Variants in NFKB1 observed in about 807,000 individuals in gnomAD.
NFKB1 encodes the protein nuclear factor kappa B subunit 1.
Under a neutral mutation model 105.1 loss-of-function variants are expected in NFKB1, and 9 were observed. That is an observed-to-expected ratio of 0.09 (90% CI 0.05 to 0.15). The LOEUF is 0.15. Ranked by LOEUF, NFKB1 falls within the 10% of genes least tolerant of loss-of-function variation. The pLI is 1.00. For synonymous variants in NFKB1, 440 were observed against 442.2 expected (o/e 1.00, Z 0.06); for missense variants, 830 against 1,203.7 (o/e 0.69, Z 4.59).
At chr4:102,591,796 C>T (rs1726201230) in intron 11 of NFKB1, among the ~76,000 whole-genome samples, 1 of 152,176 alleles carries the variant, frequency 6.6e-6, no homozygotes, top group African/African-American at 2.4e-5. Context: ...GTAATTTTGA[C>T]TTTCAGTCTT....
In NFKB1 at chr4:102,555,701, G is replaced by A. The variant is rs577296185; in HGVS notation, c.259-11286G>A. Reference sequence around the variant, plus strand: ...CTCAAAAGTAGAAATCTCTGAGATCGAATGGAGAATAGTAAATAATTTGCT... The same window carrying A: ...CTCAAAAGTAGAAATCTCTGAGATCAAATGGAGAATAGTAAATAATTTGCT... On this transcript the variant is annotated intron_variant, in intron 5 of 23. Transcript: ENST00000226574. 9.5e-4 allele frequency among the ~76,000 whole-genome samples: 145 copies of A among 152,320 alleles called. 1 individual carries two copies. The highest frequency in any genetic ancestry group is 3.4e-3 in the Middle Eastern group (1 of 294).
intron 15 of NFKB1, among the ~76,000 whole-genome samples, chr4:102,599,013 C>T (rs917306133): frequency 6.6e-6 from 1 of 152,036 alleles, no homozygotes; most frequent in Non-Finnish European, 1.5e-5. Context: ...TAATTCAGCT[C>T]GTCATATTTG....
intron 10 of NFKB1, among the ~76,000 whole-genome samples, chr4:102,583,799 ATT>A (rs60697656): frequency 0.41 from 62,956 of 151,980 alleles, 13,222 homozygotes; most frequent in Admixed American, 0.48. Flanking sequence ...TTTACAAGTA[ATT>A]ATCTGGATTG....
intron 10 of NFKB1, among the ~76,000 whole-genome samples, chr4:102,583,512 A>T (rs1725475203): frequency 6.6e-6 from 1 of 152,208 alleles, no homozygotes; most frequent in Non-Finnish European, 1.5e-5. Flanking sequence ...CCCATAAGAC[A>T]GTGCCCCACA....
intron 5 of NFKB1, among the ~76,000 whole-genome samples, chr4:102,566,333 C>T (rs1052866916): frequency 2.0e-5 from 3 of 152,148 alleles, no homozygotes; most frequent in African/African-American, 7.2e-5. Context: ...TTAAGGAGTA[C>T]ACTTTTTTGA....
At chr4:102,548,653 C>T (rs747072742) in intron 5 of NFKB1, among the ~76,000 whole-genome samples, 46 of 152,262 alleles carry the variant, frequency 3.0e-4, no homozygotes, top group Admixed American at 7.9e-4. Flanking sequence ...TCATGGTCTT[C>T]GCAGGGCCGT....
chr4:102,607,631 G>A lies in NFKB1; in HGVS notation c.2125-18G>A. On this transcript the variant is annotated intron_variant, in intron 18 of 23. Coordinates refer to ENST00000226574, the MANE Select transcript of NFKB1 (RefSeq NM_003998.4). ...AAGAACCTTCCACTAACGCTTTCTT[G>A]TGTGGGCTGGATTGTAGGGTGATGC... 9 of 1,612,308 alleles carry A rather than the reference G, an allele frequency of 5.6e-6. No homozygotes were observed. The South Asian group carries it at 7.7e-5, about 14-fold the overall frequency.
intron 11 of NFKB1, among the ~76,000 whole-genome samples, chr4:102,585,756 C>T (rs1397496774): frequency 1.3e-5 from 2 of 152,096 alleles, no homozygotes; most frequent in Non-Finnish European, 1.5e-5. Context: ...AAGAAGGCTT[C>T]GTCAAGGAGA....
chr4:102,587,082 A>G (rs1725769993), intron 11 of NFKB1, among the ~76,000 whole-genome samples: 1 of 152,218 alleles, frequency 6.6e-6, no homozygotes, highest in African/African-American at 2.4e-5. Context: ...ATGAGATTTC[A>G]TACAAAATCC....
rs1203700962 is a variant in NFKB1 at position 102,578,533 on chromosome 4, C to T, written c.572-348C>T. On this transcript the variant is annotated intron_variant, in intron 7 of 23. Transcript: ENST00000226574. ...GCACACTTCTCAATACAGCTGGTGC[C>T]TAGTAGGGTTATTCAATTCCATTCC... is the stretch of plus-strand genomic sequence containing the variant. 4 of 329,078 alleles carry T rather than the reference C, an allele frequency of 1.2e-5. No homozygotes were observed. In the East Asian group the frequency reaches 2.0e-4, roughly 16 times the overall value. The allele number at this position is 329,078 out of a possible 1,614,324, so 20.4% of individuals were successfully genotyped here. A position where few individuals can be genotyped will look rare whatever the true frequency, so the allele number is the denominator to read the frequency against.
chr4:102,540,898 A>G (rs113179669), intron 5 of NFKB1, among the ~76,000 whole-genome samples: 4 of 152,150 alleles, frequency 2.6e-5, no homozygotes, highest in African/African-American at 9.7e-5. Flanking sequence ...ATGTTTAAGC[A>G]GAGGAAAAAA....
intron 11 of NFKB1, among the ~76,000 whole-genome samples, chr4:102,592,286 G>A (rs1283509646): frequency 1.3e-5 from 2 of 152,234 alleles, no homozygotes; most frequent in East Asian, 1.9e-4. Context: ...TGACCCTAGT[G>A]TGGAAAGAAG....
intron 15 of NFKB1, 115 bp downstream of exon 15, chr4:102,597,776 C>A: frequency 8.1e-7 from 1 of 1,234,038 alleles, no homozygotes; most frequent in Non-Finnish European, 1.1e-6. Context: ...AGTCCTCTAA[C>A]TGGAATGATG....
At chr4:102,577,369 C>A (rs1724924276) in intron 7 of NFKB1, among the ~76,000 whole-genome samples, 1 of 152,034 alleles carries the variant, frequency 6.6e-6, no homozygotes, top group Non-Finnish European at 1.5e-5. Context: ...CCAAAAACAC[C>A]CCACCGTTTC....
At chr4:102,525,687 CTCTG>C (rs1740865755) in intron 2 of NFKB1, 130 bp downstream of exon 2, 1 of 780,742 alleles carries the variant, frequency 1.3e-6, no homozygotes, top group South Asian at 1.9e-5. Flanking sequence ...ATTTCAGTTT[CTCTG>C]TCCTTTCATG....
chr4:102,512,450 G>A (rs1039814783), intron 1 of NFKB1, among the ~76,000 whole-genome samples: 2 of 152,210 alleles, frequency 1.3e-5, no homozygotes, highest in African/African-American at 4.8e-5. Flanking sequence ...CTGGTCCCAA[G>A]CTATCCTCCC....
intron 6 of NFKB1, among the ~76,000 whole-genome samples, chr4:102,570,591 C>G (rs1724257769): frequency 6.6e-6 from 1 of 152,078 alleles, no homozygotes; most frequent in South Asian, 2.1e-4. Context: ...AGTGGGATTG[C>G]TGGGTCAAAT....
chr4:102,598,206 G>T (rs1466404938), intron 15 of NFKB1, among the ~76,000 whole-genome samples: 2 of 152,190 alleles, frequency 1.3e-5, no homozygotes, highest in African/African-American at 4.8e-5. Context: ...ATATGTGGGA[G>T]TGGAACATTC....
In NFKB1 at chr4:102,593,427, AAAG is replaced by A. The variant is rs767592125; in HGVS notation, c.1076_1078del (p.Glu359del). ...GGTTTCTCTTCCTTTAAATACAGAT[AAAG>A]AAGAAGTGCAGAGGAAACGTCAGAA... On this transcript the variant is annotated inframe_deletion, in exon 12 of 24. Transcript: ENST00000226574. 3 of 1,611,194 alleles carry A rather than the reference AAAG, an allele frequency of 1.9e-6. No individual in the cohort carries two copies. Among genetic ancestry groups the A allele is most frequent in the Admixed American group, 1.7e-5 (1 of 59,832 alleles).
Sources: allele counts gnomAD v4.1 joint callset (sites outside exome capture counted in the v4.1 genomes callset), GRCh38; gene constraint gnomAD v4.1.1; transcripts MANE v1.5; gene names NCBI Gene and HGNC (gene_info 2026-07-23, HGNC 2026-07-21).